Variants in ARHGAP6 observed in about 807,000 individuals in gnomAD.
The protein encoded by ARHGAP6 is Rho GTPase activating protein 6.
Under a neutral mutation model 55.7 loss-of-function variants are expected in ARHGAP6, and 16 were observed. That is an observed-to-expected ratio of 0.29 (90% CI 0.19 to 0.44). The LOEUF is 0.44. Among genes scored for constraint, ARHGAP6 ranks in the 20% least tolerant of loss-of-function variants. ARHGAP6 has a pLI of 1.00. For synonymous variants in ARHGAP6, 382 were observed against 360.9 expected (o/e 1.06, Z -0.66); for missense variants, 698 against 808.9 (o/e 0.86, Z 1.66).
chrX:11,155,428 T>C (rs2147285169), intron 10 of ARHGAP6, among the ~76,000 whole-genome samples: 1 of 111,031 alleles, frequency 9.0e-6, no homozygotes, highest in East Asian at 2.8e-4. Context: ...GCCTCACGAG[T>C]AGCTGGGATT....
chrX:11,337,402 G>C (rs753737308), intron 1 of ARHGAP6, among the ~76,000 whole-genome samples: 7 of 111,592 alleles, frequency 6.3e-5, no homozygotes, highest in Non-Finnish European at 1.1e-4. Flanking sequence ...CATTTCTACT[G>C]TCGTGTTCAA....
chrX:11,572,335 C>T (rs2051531807), intron 1 of ARHGAP6, among the ~76,000 whole-genome samples: 1 of 109,886 alleles, frequency 9.1e-6, no homozygotes, highest in South Asian at 4.1e-4. Flanking sequence ...CTATCCCTCC[C>T]CCCTCCTCCC....
chrX:11,567,580 T>TATATATATATATATATATATATATATA (rs2051459921), intron 1 of ARHGAP6, among the ~76,000 whole-genome samples: 1 of 100,386 alleles, frequency 1.0e-5, no homozygotes, highest in Admixed American at 1.0e-4. Context: ...TATATATATA[T>TATATATATATATATATATATATATATA]TTGCCTCAGA....
chrX:11,567,907 G>A (rs1327996485), intron 1 of ARHGAP6, among the ~76,000 whole-genome samples: 4 of 110,485 alleles, frequency 3.6e-5, no homozygotes, highest in African/African-American at 1.3e-4. Context: ...CGAGCTCCTG[G>A]GCCCAAGCAA....
At chrX:11,411,179 TTATTTATA>T (rs1447171139) in intron 1 of ARHGAP6, among the ~76,000 whole-genome samples, 1 of 17,063 alleles carries the variant, frequency 5.9e-5, no homozygotes, top group Non-Finnish European at 9.3e-5. Context: ...CTGGCAGACA[TTATTTATA>T]TATATATATA....
intron 1 of ARHGAP6, among the ~76,000 whole-genome samples, chrX:11,411,223 A>ATATATATATATAT (rs2049682938): frequency 1.3e-5 from 1 of 79,481 alleles, no homozygotes; most frequent in African/African-American, 4.6e-5. Flanking sequence ...ATATATATAT[A>ATATATATATATAT]AAATATACAA....
intron 3 of ARHGAP6, among the ~76,000 whole-genome samples, chrX:11,196,028 G>T (rs1274559455): frequency 9.5e-6 from 1 of 105,092 alleles, no homozygotes; most frequent in Admixed American, 1.0e-4. Flanking sequence ...CAGCTACTCG[G>T]GAGGCTGAGG....
Position 11,664,599 on chromosome X carries a change from G to A in ARHGAP6, c.230C>T (p.Pro77Leu). Reference protein sequence around the residue: ...SPSLPAESLGPRLASSSRGPP... With the variant: ...SPSLPAESLGLRLASSSRGPP... The stretch of plus-strand genomic sequence containing the variant: ...ACCCCGGGAAGAGGACGCCAAGCGA[G>A]GGCCGAGACTCTCGGCTGGGAGTGA... The change falls in exon 1 of 13, where the codon CCT becomes CTT. Residue 77 changes from proline to leucine, a missense_variant. By Grantham distance (98) the Pro-to-Leu change is moderately conservative (BLOSUM62 -3). Coordinates refer to ENST00000337414, the MANE Select transcript of ARHGAP6 (RefSeq NM_013427.3). The A allele has an allele frequency of 8.5e-7, 1 of 1,175,453 alleles. No homozygotes were observed. Among genetic ancestry groups the A allele is most frequent in the Non-Finnish European group, 1.1e-6 (1 of 877,025 alleles).
intron 1 of ARHGAP6, among the ~76,000 whole-genome samples, chrX:11,260,061 G>A (rs1178080666): frequency 1.8e-5 from 2 of 111,247 alleles, no homozygotes; most frequent in Non-Finnish European, 3.8e-5. Flanking sequence ...AGACAAAAAT[G>A]TGATAATGGA....
chrX:11,417,105 T>TATATATAC lies in ARHGAP6; in HGVS notation c.589-162399_589-162398insGTATATAT, dbSNP rs1406504776. Among the ~76,000 whole-genome samples the TATATATAC allele has an allele frequency of 5.0e-4, 38 of 75,836 alleles. 2 individuals are homozygous for TATATATAC. Among genetic ancestry groups the TATATATAC allele is most frequent in the African/African-American group, 1.7e-3 (31 of 18,736 alleles). 65.9% of individuals were successfully genotyped at this position (75,836 alleles called of 115,157 possible). On this transcript the variant is annotated intron_variant, in intron 1 of 12. Transcript: ENST00000337414. ...ATATATATATATATATATATATATA[T>TATATATAC]ACACATACATATATATGCATTGCTG...
chrX:11,183,119 G>C (rs1463849696), intron 5 of ARHGAP6, among the ~76,000 whole-genome samples: 1 of 110,974 alleles, frequency 9.0e-6, no homozygotes, highest in African/African-American at 3.3e-5. Flanking sequence ...CTACAAATTG[G>C]GTGTAGTGTA....
chrX:11,421,924 T>C (rs1474876987), intron 1 of ARHGAP6, among the ~76,000 whole-genome samples: 1 of 111,817 alleles, frequency 8.9e-6, no homozygotes, highest in Non-Finnish European at 1.9e-5. Context: ...AGGGTTAAGT[T>C]TGGAAAGTCC....
intron 2 of ARHGAP6, among the ~76,000 whole-genome samples, chrX:11,209,672 T>C (rs2046761069): frequency 8.9e-6 from 1 of 112,203 alleles, no homozygotes; most frequent in Non-Finnish European, 1.9e-5. Context: ...AACAAGCAAG[T>C]ACAAAAGAAA....
chrX:11,314,665 C>G (rs1189359733), intron 1 of ARHGAP6, among the ~76,000 whole-genome samples: 1 of 111,538 alleles, frequency 9.0e-6, no homozygotes, highest in African/African-American at 3.3e-5. Context: ...GGTATATATC[C>G]TTAGCAAACT....
At chrX:11,201,160 T>C (rs1330320230) in intron 2 of ARHGAP6, among the ~76,000 whole-genome samples, 1 of 112,311 alleles carries the variant, frequency 8.9e-6, no homozygotes. Flanking sequence ...AACGCACTAA[T>C]ATGAGAGTTA....
chrX:11,502,273 T>C (rs1453374680), intron 1 of ARHGAP6, among the ~76,000 whole-genome samples: 3 of 112,420 alleles, frequency 2.7e-5, no homozygotes, highest in Non-Finnish European at 5.6e-5. Flanking sequence ...TTGTATAAAA[T>C]GCAAAATTAA....
intron 1 of ARHGAP6, among the ~76,000 whole-genome samples, chrX:11,507,932 T>G (rs1434390279): frequency 8.9e-6 from 1 of 111,845 alleles, no homozygotes; most frequent in Non-Finnish European, 1.9e-5. Context: ...ACATATTTCT[T>G]GAGCCTCACC....
intron 1 of ARHGAP6, among the ~76,000 whole-genome samples, chrX:11,429,405 T>A (rs912555165): frequency 5.3e-5 from 6 of 112,416 alleles, no homozygotes; most frequent in African/African-American, 1.9e-4. Flanking sequence ...TTGATCTGTA[T>A]GGCAGCTACT....
intron 2 of ARHGAP6, among the ~76,000 whole-genome samples, chrX:11,200,331 G>A (rs1310824494): frequency 8.9e-6 from 1 of 112,095 alleles, no homozygotes; most frequent in African/African-American, 3.2e-5. Context: ...GCCCTCTTTT[G>A]TGGAAGTCCT....
Sources: allele counts gnomAD v4.1 joint callset (sites outside exome capture counted in the v4.1 genomes callset), GRCh38; gene constraint gnomAD v4.1.1; transcripts MANE v1.5; gene names NCBI Gene and HGNC (gene_info 2026-07-23, HGNC 2026-07-21).